Variants in AP4S1 observed in about 807,000 individuals in gnomAD.
AP4S1 encodes the protein AP-4 complex subunit sigma-1.
AP4S1 carries 23 observed loss-of-function variants against 19.8 expected under a neutral mutation model. That is an observed-to-expected ratio of 1.16 (90% CI 0.84 to 1.65). The LOEUF (loss-of-function observed/expected upper bound fraction) is 1.65, where lower values mean the gene tolerates loss of function less well. Among genes scored for constraint, AP4S1 ranks in the 40% most tolerant of loss-of-function variants. AP4S1 has a pLI of 0.00. For missense variants in AP4S1, 166 were observed against 172.8 expected, an observed-to-expected ratio of 0.96 and a Z score of 0.22; for synonymous variants, 46 against 54.1, an observed-to-expected ratio of 0.85 and a Z score of 0.66.
In AP4S1 at chr14:31,066,158, T is replaced by C. The variant is rs1193973369; in HGVS notation, c.-39T>C. The C allele has an allele frequency of 1.4e-5, 23 of 1,609,468 alleles. No homozygotes were observed. The highest frequency in any genetic ancestry group is 1.8e-5 in the Non-Finnish European group (21 of 1,177,052). On this transcript the variant is annotated 5_prime_UTR_variant, in exon 2 of 6. Transcript: ENST00000542754. ...TTACAGCCATCCCTTGTCATAACTT[T>C]TGAACTGTATTTGGAAAAATACTGG...
rs1594607163 is a variant in AP4S1 at position 31,025,694 on chromosome 14, C to T, written c.-165C>T. 2.7e-6 allele frequency: 2 copies of T among 730,626 alleles called. No homozygotes were observed. The highest frequency in any genetic ancestry group is 4.3e-6 in the Non-Finnish European group (2 of 466,420). The allele number at this position is 730,626 out of a possible 1,614,324, so 45.3% of individuals were successfully genotyped here. ...CCCCGAGGAGGCCCGCACCGCGTAG[C>T]CAGTGAAGGTTGGGGAGCAAGCTTA... On this transcript the variant is annotated 5_prime_UTR_variant, in exon 1 of 6. Transcript: ENST00000542754.
intron 4 of AP4S1, among the ~76,000 whole-genome samples, chr14:31,077,459 G>T (rs970200757): frequency 9.9e-5 from 15 of 152,064 alleles, no homozygotes; most frequent in African/African-American, 3.6e-4. Context: ...CTTCTTCATG[G>T]GACAGTCAGC....
chr14:31,026,909 C>G (rs151275594), intron 1 of AP4S1: 2 of 152,426 alleles, frequency 1.3e-5, no homozygotes, highest in Admixed American at 6.5e-5. Flanking sequence ...TCTTTCCCTT[C>G]CTGTCACTCG....
chr14:31,029,522 C>G (rs1484599012), intron 1 of AP4S1, among the ~76,000 whole-genome samples: 6 of 152,166 alleles, frequency 3.9e-5, no homozygotes, highest in Admixed American at 3.9e-4. Context: ...TGCCTATCTT[C>G]AAAACTCAGC....
At chr14:31,046,114 C>T (rs560936543) in intron 1 of AP4S1, among the ~76,000 whole-genome samples, 2 of 151,798 alleles carry the variant, frequency 1.3e-5, no homozygotes, top group Non-Finnish European at 2.9e-5. Flanking sequence ...TTACATACCA[C>T]GCCCAACTAA....
chr14:31,033,858 A>G (rs1432873636), intron 1 of AP4S1, among the ~76,000 whole-genome samples: 1 of 152,218 alleles, frequency 6.6e-6, no homozygotes, highest in Admixed American at 6.5e-5. Context: ...TTGTAGTCCA[A>G]GTTTATTCTG....
At chr14:31,049,139 C>T (rs1471423774) in intron 1 of AP4S1, among the ~76,000 whole-genome samples, 2 of 151,380 alleles carry the variant, frequency 1.3e-5, no homozygotes, top group Admixed American at 6.6e-5. Context: ...GCATGCCGGG[C>T]GTGGTGGCTC....
At chr14:31,065,877 GTCTCGA>G (rs1459339747) in intron 1 of AP4S1, among the ~76,000 whole-genome samples, 1 of 152,016 alleles carries the variant, frequency 6.6e-6, no homozygotes, top group African/African-American at 2.4e-5. Flanking sequence ...ATCCAGGATG[GTCTCGA>G]TCTCCTGACC....
intron 1 of AP4S1, among the ~76,000 whole-genome samples, chr14:31,056,813 A>T (rs897261068): frequency 2.0e-5 from 3 of 152,318 alleles, no homozygotes; most frequent in Middle Eastern, 6.8e-3. Context: ...GCACAATGTC[A>T]CGTCTATAAT....
At chr14:31,049,971 G>T (rs1566521164) in intron 1 of AP4S1, among the ~76,000 whole-genome samples, 1 of 152,118 alleles carries the variant, frequency 6.6e-6, no homozygotes, top group East Asian at 1.9e-4. Flanking sequence ...GCCTAGACTG[G>T]AGTGCAGTGG....
rs79344286 is a variant in AP4S1 at position 31,058,912 on chromosome 14, G to A, written c.-71-7214G>A. On this transcript the variant is annotated intron_variant, in intron 1 of 5. Transcript: ENST00000542754. ...GTTAAATGCAAATAGTTTAAAACAG[G>A]AAGTTCATACCTGCTCCCTGACCAC... 2.7e-3 allele frequency among the ~76,000 whole-genome samples: 406 copies of A among 151,964 alleles called. 15 individuals are homozygous for A. The East Asian group carries it at 0.067, about 25-fold the overall frequency.
At chr14:31,068,061 T>TTTCC (rs1156628889) in intron 2 of AP4S1, among the ~76,000 whole-genome samples, 1 of 151,692 alleles carries the variant, frequency 6.6e-6, no homozygotes, top group Non-Finnish European at 1.5e-5. Flanking sequence ...AGAGACAGGG[T>TTTCC]TTCCCCATGT....
intron 1 of AP4S1, among the ~76,000 whole-genome samples, chr14:31,029,853 A>C (rs1012935590): frequency 1.3e-5 from 2 of 152,050 alleles, no homozygotes; most frequent in African/African-American, 2.4e-5. Flanking sequence ...CCCCCACAAA[A>C]AAAAAAAAGA....
At chr14:31,081,408 T>A (rs1887630624) in intron 5 of AP4S1, among the ~76,000 whole-genome samples, 1 of 152,158 alleles carries the variant, frequency 6.6e-6, no homozygotes, top group South Asian at 2.1e-4. Flanking sequence ...AGTTCTCCTT[T>A]TTGCCTTTTC....
intron 1 of AP4S1, among the ~76,000 whole-genome samples, chr14:31,032,547 G>A (rs1884465998): frequency 7.4e-6 from 1 of 135,666 alleles, no homozygotes; most frequent in Admixed American, 8.1e-5. Context: ...TTGAGATGAA[G>A]TCTCACTCTG....
intron 1 of AP4S1, among the ~76,000 whole-genome samples, chr14:31,041,481 T>C (rs1885109070): frequency 6.6e-6 from 1 of 152,164 alleles, no homozygotes; most frequent in Non-Finnish European, 1.5e-5. Flanking sequence ...AGGGGAAAAC[T>C]TGATTCACCA....
intron 1 of AP4S1, among the ~76,000 whole-genome samples, chr14:31,059,332 A>T (rs1340558334): frequency 6.6e-6 from 1 of 152,160 alleles, no homozygotes; most frequent in East Asian, 1.9e-4. Context: ...AGTCAGTGGG[A>T]AGGAATGCTG....
rs192113066 is a variant in AP4S1, at chr14:31,085,960, C to T, written c.306+5376C>T. The T allele has an allele frequency of 2.0e-5, 8 of 397,450 alleles. No individual in the cohort carries two copies. The East Asian group carries it at 1.1e-3, about 56-fold the overall frequency. 24.6% of individuals were successfully genotyped at this position (397,450 alleles called of 1,614,324 possible). On this transcript the variant is annotated intron_variant, in intron 5 of 5. Coordinates refer to ENST00000542754, the MANE Select transcript of AP4S1 (RefSeq NM_001128126.3). ...GAAGGGCATCAATGCTGTGTGCACT[C>T]TCTGTGACTCCGCCAGCATCTGCCA...
At chr14:31,035,811 CT>C (rs982837682) in intron 1 of AP4S1, among the ~76,000 whole-genome samples, 3 of 150,944 alleles carry the variant, frequency 2.0e-5, no homozygotes, top group Non-Finnish European at 4.4e-5. Flanking sequence ...CTCACTGCAA[CT>C]TCCGCCTCCT....
Sources: gnomAD v4.1 joint callset for allele counts (sites outside exome capture counted in the v4.1 genomes callset) on GRCh38, gnomAD v4.1.1 for gene constraint, MANE v1.5 for transcripts, NCBI Gene and HGNC (gene_info 2026-07-23, HGNC 2026-07-21) for gene names.